Variants in NR1H3 observed in about 807,000 individuals in gnomAD.
The protein encoded by NR1H3 is nuclear receptor subfamily 1 group H member 3.
A neutral mutation model predicts 48.1 loss-of-function variants in NR1H3; 19 were observed. The ratio of observed to expected loss-of-function variants is 0.40; its 90% CI spans 0.28 to 0.58. NR1H3 has a LOEUF of 0.58. Among genes scored for constraint, NR1H3 ranks in the 20% least tolerant of loss-of-function variants. The pLI is 0.50. For synonymous variants in NR1H3, 232 were observed against 227.3 expected, an observed-to-expected ratio of 1.02 and a Z score of -0.19; for missense variants, 486 against 595.9, an observed-to-expected ratio of 0.82 and a Z score of 1.92.
upstream of NR1H3, among the ~76,000 whole-genome samples, chr11:47,253,886 G>T (rs1466299705): frequency 1.3e-5 from 2 of 152,182 alleles, no homozygotes; most frequent in Non-Finnish European, 2.9e-5. Flanking sequence ...CTGTGGCACG[G>T]GGGTGGGGCT....
At chr11:47,255,609 CTCTCTCTCTTTCTTTCTTTCTT>C (rs1955066433), upstream of NR1H3, among the ~76,000 whole-genome samples, 1 of 124,758 alleles carries the variant, frequency 8.0e-6, no homozygotes, top group Non-Finnish European at 1.7e-5. Context: ...CTCTCTCTCT[CTCTCTCTCTTTCTTTCTTTCTT>C]TCTTTCTTTC....
At chr11:47,251,877 C>T (rs1442268347) in intron 1 of NR1H3, among the ~76,000 whole-genome samples, 1 of 152,016 alleles carries the variant, frequency 6.6e-6, no homozygotes, top group Non-Finnish European at 1.5e-5. Context: ...ATTGATGAAG[C>T]AGATACTATT....
At chr11:47,248,415 G>T, upstream of NR1H3, 1 of 1,532,268 alleles carries the variant, frequency 6.5e-7, no homozygotes, top group Non-Finnish European at 8.8e-7. Flanking sequence ...GGGGAAAAAA[G>T]ATAACCAAAG....
chr11:47,260,039 AGAGGT>A, intron 3 of NR1H3, 60 bp downstream of exon 3: 1 of 1,392,828 alleles, frequency 7.2e-7, no homozygotes, highest in Non-Finnish European at 9.5e-7. Flanking sequence ...TGGATCTGGA[AGAGGT>A]TCCTTGGGGG....
chr11:47,248,506 G>A, upstream of NR1H3: 1 of 1,550,984 alleles, frequency 6.4e-7, no homozygotes, highest in Non-Finnish European at 8.7e-7. Context: ...CGGTCATCCT[G>A]ACTCCCATAA....
chr11:47,252,003 T>C (rs1954699632), intron 1 of NR1H3, among the ~76,000 whole-genome samples: 1 of 151,956 alleles, frequency 6.6e-6, no homozygotes, highest in Non-Finnish European at 1.5e-5. Flanking sequence ...GCTTTTGCAT[T>C]TTCTGCCAGA....
chr11:47,252,964 T>C (rs868638233), intron 1 of NR1H3, among the ~76,000 whole-genome samples: 22 of 148,148 alleles, frequency 1.5e-4, no homozygotes, highest in African/African-American at 5.0e-4. Context: ...GTATTCTTTT[T>C]TTTTTTTTTT....
chr11:47,250,302 C>T (rs918891951), intron 1 of NR1H3, among the ~76,000 whole-genome samples: 1 of 152,102 alleles, frequency 6.6e-6, no homozygotes, highest in East Asian at 1.9e-4. Flanking sequence ...CCTAGCTCCT[C>T]GGGAGGCTGA....
chr11:47,254,182 G>A (rs1366033853), upstream of NR1H3, among the ~76,000 whole-genome samples: 1 of 152,200 alleles, frequency 6.6e-6, no homozygotes, highest in Non-Finnish European at 1.5e-5. Flanking sequence ...GCTCGTATGT[G>A]GTCCTGGGTC....
upstream of NR1H3, among the ~76,000 whole-genome samples, chr11:47,257,122 G>T (rs1955256854): frequency 6.6e-6 from 1 of 152,218 alleles, no homozygotes; most frequent in Admixed American, 6.5e-5. Context: ...TGTTTCAGGG[G>T]TGTTGGGGGA....
chr11:47,249,149 C>G, intron 1 of NR1H3: 1 of 741,150 alleles, frequency 1.3e-6, no homozygotes, highest in Non-Finnish European at 2.1e-6. Context: ...AGCGTCCCCT[C>G]CAGGCTTGAC....
In NR1H3 at chr11:47,260,513, C is replaced by G. The variant is rs1955723677; in HGVS notation, c.337C>G (p.Leu113Val). Residue 113 changes from leucine to valine, a missense_variant, in exon 4 of 10, where the codon CTG becomes GTG. Transcript: ENST00000441012. ...DKASGFHYNVLSCEGCKGFFR... is the reference protein window; with the variant it reads ...DKASGFHYNVVSCEGCKGFFR... ...GGCCTCGGGCTTCCACTACAATGTT[C>G]TGAGCTGCGAGGGCTGCAAGGGATT... 1 of 1,614,266 alleles carries G rather than the reference C, an allele frequency of 6.2e-7. No individual in the cohort carries two copies. Among genetic ancestry groups the G allele is most frequent in the Non-Finnish European group, 8.5e-7 (1 of 1,180,044 alleles).
Position 47,259,254 on chromosome 11 carries a change from C to T in NR1H3, c.38C>T (p.Pro13Leu). 6.2e-7 allele frequency: 1 copy of T among 1,614,168 alleles called. No homozygotes were observed. Among genetic ancestry groups the T allele is most frequent in the Non-Finnish European group, 8.5e-7 (1 of 1,180,020 alleles). The change falls in exon 2 of 10, where the codon CCT (proline) becomes CTT (leucine). Residue 13 changes from proline to leucine, a missense_variant. Transcript: ENST00000441012. ...CTGGGGGCCCCTGTGCCTGACATTCCTCCTGGTAAGCTTCATTCCATCCCT... is the reference window on the plus strand; with the variant it reads ...CTGGGGGCCCCTGTGCCTGACATTCTTCCTGGTAAGCTTCATTCCATCCCT... Reference protein sequence around the residue: ...LWLGAPVPDIPPDSAVELWKP... With the variant: ...LWLGAPVPDILPDSAVELWKP...
At chr11:47,263,267 CTTT>C (rs112370737) in intron 7 of NR1H3, among the ~76,000 whole-genome samples, 1 of 141,914 alleles carries the variant, frequency 7.0e-6, no homozygotes, top group Non-Finnish European at 1.5e-5. Context: ...ATTTCCCCTA[CTTT>C]TTTTTTTTTT....
intron 4 of NR1H3, 125 bp downstream of exon 4, chr11:47,260,800 C>T: frequency 7.8e-7 from 1 of 1,280,266 alleles, no homozygotes; most frequent in Admixed American, 2.6e-5. Context: ...CAGTATCTTT[C>T]TTGACCGGGC....
intron 1 of NR1H3, among the ~76,000 whole-genome samples, chr11:47,252,699 G>A (rs562657928): frequency 1.3e-5 from 2 of 150,686 alleles, no homozygotes; most frequent in Non-Finnish European, 3.0e-5. Context: ...TCAGCCTCTC[G>A]AGTAGCTGGG....
chr11:47,248,473 A>G (rs1417296327), upstream of NR1H3: 3 of 1,548,344 alleles, frequency 1.9e-6, no homozygotes, highest in Non-Finnish European at 2.6e-6. Flanking sequence ...CCCTGTCTCA[A>G]GGCAGACTCA....
chr11:47,262,798 A>C (rs1015002922), intron 7 of NR1H3, among the ~76,000 whole-genome samples: 1 of 152,164 alleles, frequency 6.6e-6, no homozygotes, highest in Admixed American at 6.5e-5. Context: ...GGCATGAGCC[A>C]CTGAACCTGG....
At chr11:47,256,674 A>C (rs1955204231), upstream of NR1H3, among the ~76,000 whole-genome samples, 1 of 148,464 alleles carries the variant, frequency 6.7e-6, no homozygotes, top group South Asian at 2.1e-4. Flanking sequence ...AAAAAAAAGG[A>C]ATAATAAAAA....
Sources: gnomAD v4.1 joint callset for allele counts (sites outside exome capture counted in the v4.1 genomes callset) on GRCh38, gnomAD v4.1.1 for gene constraint, MANE v1.5 for transcripts, NCBI Gene and HGNC (gene_info 2026-07-23, HGNC 2026-07-21) for gene names.